The following EYS variants were observed in gnomAD, a reference collection of about 807,000 sequenced individuals.
The protein encoded by EYS is protein eyes shut homolog.
Under a neutral mutation model 282.1 loss-of-function variants are expected in EYS, and 250 were observed. The ratio of observed to expected loss-of-function variants is 0.89; its 90% confidence interval spans 0.80 to 0.98. The LOEUF (loss-of-function observed/expected upper bound fraction) is 0.98. Among genes scored for constraint, EYS ranks in the 50% least tolerant of loss-of-function variants. The pLI is 0.00. For synonymous variants in EYS, 1,355 were observed against 1,282.9 expected, an observed-to-expected ratio of 1.06 and a Z score of -1.20; for missense variants, 4,016 against 3,709.0, an observed-to-expected ratio of 1.08 and a Z score of -2.15.
At chr6:65,110,821 A>C (rs866487183) in intron 12 of EYS, among the ~76,000 whole-genome samples, 1 of 152,198 alleles carries the variant, frequency 6.6e-6, no homozygotes, top group African/African-American at 2.4e-5. Flanking sequence ...AGTATAAAAA[A>C]TCATTGAAGA....
intron 8 of EYS, among the ~76,000 whole-genome samples, chr6:65,370,238 A>G (rs9453282): frequency 0.048 from 5,944 of 124,400 alleles, 417 homozygotes; most frequent in African/African-American, 0.16. Context: ...TTTCCTTTCT[A>G]TTTCTTTCTT....
Position 64,983,712 on chromosome 6 carries a change from G to A in EYS, c.2259+13870C>T, listed in dbSNP as rs544326895. 9.9e-5 allele frequency among the ~76,000 whole-genome samples: 15 copies of A among 151,240 alleles called. No individual in the cohort carries two copies. The South Asian group carries it at 3.1e-3, about 31-fold the overall frequency. ...AACAACAGGTGCTGAACATTTTCTTGATGAACATTTTCTAGGTAATTTTTT... is the reference window on the plus strand; with the variant it reads ...AACAACAGGTGCTGAACATTTTCTTAATGAACATTTTCTAGGTAATTTTTT... On this transcript the variant is annotated intron_variant, in intron 14 of 42. Transcript: ENST00000503581.
intron 34 of EYS, 24 bp from the exon 35 acceptor site, chr6:63,984,627 A>T: frequency 6.9e-7 from 1 of 1,443,982 alleles, no homozygotes; most frequent in Non-Finnish European, 9.5e-7. Context: ...AACAACAAAA[A>T]ATATTATAGG....
chr6:64,261,667 C>G (rs1582501677), intron 30 of EYS, among the ~76,000 whole-genome samples: 1 of 151,988 alleles, frequency 6.6e-6, no homozygotes, highest in African/African-American at 2.4e-5. Context: ...GGACATTTAA[C>G]TCAAAGGAGT....
intron 41 of EYS, among the ~76,000 whole-genome samples, chr6:63,759,706 T>C (rs1769583723): frequency 6.6e-6 from 1 of 152,122 alleles, no homozygotes; most frequent in South Asian, 2.1e-4. Flanking sequence ...GAAGAAAGCA[T>C]GTGCATTGCT....
chr6:64,419,524 G>C (rs1774160445), intron 28 of EYS, among the ~76,000 whole-genome samples: 1 of 152,170 alleles, frequency 6.6e-6, no homozygotes, highest in South Asian at 2.1e-4. Context: ...AGTTGCTTCT[G>C]CCTATGAGCC....
intron 28 of EYS, among the ~76,000 whole-genome samples, chr6:64,396,075 GACAC>G (rs1773364284): frequency 6.6e-6 from 1 of 151,404 alleles, no homozygotes; most frequent in Non-Finnish European, 1.5e-5. Flanking sequence ...CACATGCACA[GACAC>G]ACACGCACAC....
At chr6:63,855,420 A>G (rs1772365875) in intron 36 of EYS, among the ~76,000 whole-genome samples, 1 of 152,234 alleles carries the variant, frequency 6.6e-6, no homozygotes, top group Non-Finnish European at 1.5e-5. Flanking sequence ...AATATTTCAG[A>G]TTAGACTATT....
intron 14 of EYS, among the ~76,000 whole-genome samples, chr6:64,983,039 C>T (rs550250016): frequency 6.6e-5 from 10 of 151,216 alleles, no homozygotes; most frequent in African/African-American, 1.4e-4. Flanking sequence ...ATGGATTAAA[C>T]GGTTCTTATT....
intron 32 of EYS, 81 bp downstream of exon 32, chr6:64,081,775 A>G: frequency 8.5e-7 from 1 of 1,178,918 alleles, no homozygotes; most frequent in Non-Finnish European, 1.2e-6. Flanking sequence ...CACAATATTT[A>G]AATGAATAAA....
chr6:65,225,698 G>C (rs1363589520), intron 12 of EYS, among the ~76,000 whole-genome samples: 2 of 134,410 alleles, frequency 1.5e-5, no homozygotes, highest in East Asian at 4.3e-4. Flanking sequence ...TGGGTAACTA[G>C]AGCAAAAAAC....
chr6:64,826,078 G>C (rs907648726), intron 19 of EYS, among the ~76,000 whole-genome samples: 2 of 151,654 alleles, frequency 1.3e-5, no homozygotes, highest in Non-Finnish European at 2.9e-5. Flanking sequence ...TGCCTACATT[G>C]CCTTATATAC....
rs560787756 is a variant in EYS at position 64,434,770 on chromosome 6, T to A, written c.5927+1404A>T. Among the ~76,000 whole-genome samples, 5 of 152,244 alleles carry A rather than the reference T, an allele frequency of 3.3e-5. No homozygotes were observed. In the East Asian group the frequency reaches 9.6e-4, roughly 29 times the overall value. Reference sequence around the variant, plus strand: ...TATAGGAATACATTCATATATGTAATACAATTAGTACTTGATATAAATTCC... The same window carrying A: ...TATAGGAATACATTCATATATGTAAAACAATTAGTACTTGATATAAATTCC... On this transcript the variant is annotated intron_variant, in intron 28 of 42. Coordinates refer to ENST00000503581, the MANE Select transcript of EYS (RefSeq NM_001142800.2).
intron 13 of EYS, among the ~76,000 whole-genome samples, chr6:65,043,715 A>G (rs766833887): frequency 1.7e-4 from 26 of 151,376 alleles, no homozygotes; most frequent in African/African-American, 4.6e-4. Context: ...TGTTGTCACA[A>G]AAGTTCTTTT....
At chr6:64,624,693 T>C (rs1239429991) in intron 23 of EYS, among the ~76,000 whole-genome samples, 2 of 152,138 alleles carry the variant, frequency 1.3e-5, no homozygotes, top group African/African-American at 4.8e-5. Flanking sequence ...CTAAATAGTA[T>C]GTGGGTGACA....
chr6:65,268,685 A>T (rs1767820588), intron 12 of EYS, among the ~76,000 whole-genome samples: 1 of 152,082 alleles, frequency 6.6e-6, no homozygotes, highest in African/African-American at 2.4e-5. Flanking sequence ...AATGTAAGGG[A>T]TTGTATCATT....
chr6:64,451,597 G>A (rs1325403754), intron 26 of EYS, among the ~76,000 whole-genome samples: 2 of 152,114 alleles, frequency 1.3e-5, no homozygotes, highest in Non-Finnish European at 2.9e-5. Flanking sequence ...GAACATTGAT[G>A]CAAAAATCCT....
At chr6:64,633,291 C>T (rs9452243) in intron 22 of EYS, among the ~76,000 whole-genome samples, 30,605 of 151,900 alleles carry the variant, frequency 0.2, 3,562 homozygotes, top group East Asian at 0.34. Context: ...CACCTGTCTC[C>T]GTAGTTATGA....
At chr6:64,849,033 T>C (rs1765801982) in intron 19 of EYS, among the ~76,000 whole-genome samples, 1 of 151,986 alleles carries the variant, frequency 6.6e-6, no homozygotes, top group Non-Finnish European at 1.5e-5. Flanking sequence ...AATCCCTAAA[T>C]AATCCCTCCA....
Sources: gnomAD v4.1 joint callset for allele counts (sites outside exome capture counted in the v4.1 genomes callset) on GRCh38, gnomAD v4.1.1 for gene constraint, MANE v1.5 for transcripts, NCBI Gene and HGNC (gene_info 2026-07-23, HGNC 2026-07-21) for gene names.